Variants in HMGB1 observed in about 807,000 individuals in gnomAD.
The protein encoded by HMGB1 is high mobility group box 1.
For missense variants in HMGB1, 79 were observed against 253.5 expected (o/e 0.31, Z 4.67); for synonymous variants, 81 against 84.0 (o/e 0.96, Z 0.19).
chr13:30,485,410 T>G (rs1372199999), intron 1 of HMGB1, among the ~76,000 whole-genome samples: 2 of 152,146 alleles, frequency 1.3e-5, no homozygotes, highest in East Asian at 3.9e-4. Context: ...TGGGAGACAC[T>G]GGGGGCAGCC....
chr13:30,523,286 A>C (rs1164567320), intron 1 of HMGB1, among the ~76,000 whole-genome samples: 1 of 152,238 alleles, frequency 6.6e-6, no homozygotes, highest in African/African-American at 2.4e-5. Flanking sequence ...TGTGCATAAA[A>C]ATCAATATTT....
At chr13:30,466,638 C>T (rs1464659752), upstream of HMGB1, among the ~76,000 whole-genome samples, 2 of 152,174 alleles carry the variant, frequency 1.3e-5, no homozygotes, top group East Asian at 3.8e-4. Flanking sequence ...TTCAGTTTCA[C>T]CCTTTTTCTT....
Position 30,509,569 on chromosome 13 carries a change from G to T in HMGB1, c.-14-45875C>A, listed in dbSNP as rs548868711. ...CAATATTCTTAATTTCTATTCCAAA[G>T]CCCAGATGTCAAGACCTATTCATGT... On this transcript the variant is annotated intron_variant, in intron 1 of 4. Coordinates refer to the HMGB1 transcript ENST00000405805. Among the ~76,000 whole-genome samples the T allele has an allele frequency of 3.9e-5, 6 of 152,104 alleles. No homozygotes were observed. In the South Asian group the frequency reaches 1.2e-3, roughly 32 times the overall value.
At chr13:30,502,211 G>A (rs1458908460) in intron 1 of HMGB1, among the ~76,000 whole-genome samples, 1 of 152,186 alleles carries the variant, frequency 6.6e-6, no homozygotes, top group East Asian at 1.9e-4. Flanking sequence ...TACATTTAAA[G>A]TATAATTCAT....
chr13:30,462,519 G>A lies in HMGB1; in HGVS notation c.471+19C>T, dbSNP rs772976540. On this transcript the variant is annotated intron_variant, in intron 4 of 4. Transcript: ENST00000341423. ...GGCGTACTTGTCATCATTTTACCAA[G>A]CAAACCCACACTTCTTACCTTTTCA... The A allele has an allele frequency of 1.9e-6, 3 of 1,601,936 alleles. No homozygotes were observed. The highest frequency in any genetic ancestry group is 1.7e-5 in the Admixed American group (1 of 59,986).
At chr13:30,484,955 A>G (rs1887329491) in intron 1 of HMGB1, among the ~76,000 whole-genome samples, 1 of 152,172 alleles carries the variant, frequency 6.6e-6, no homozygotes, top group African/African-American at 2.4e-5. Context: ...AGCTGGGTAA[A>G]TGTGCAAAAA....
chr13:30,539,564 A>T (rs1027706179), intron 1 of HMGB1: 2 of 254,366 alleles, frequency 7.9e-6, no homozygotes, highest in South Asian at 7.6e-5. Context: ...CCTTTCTTCC[A>T]CAGAGCCCCA....
intron 1 of HMGB1, among the ~76,000 whole-genome samples, chr13:30,553,441 C>A (rs1392410461): frequency 1.3e-5 from 2 of 152,236 alleles, no homozygotes; most frequent in African/African-American, 2.4e-5. Context: ...AATTTAACTT[C>A]TCTCAGCCTC....
intron 1 of HMGB1, among the ~76,000 whole-genome samples, chr13:30,592,663 A>ATGACACATTAGTGGGTGCAGTGCACCAGC (rs1871417381): frequency 6.6e-6 from 1 of 152,138 alleles, no homozygotes; most frequent in African/African-American, 2.4e-5. Flanking sequence ...ATTGTTTAAG[A>ATGACACATTAGTGGGTGCAGTGCACCAGC]ATTTGCTAAA....
Position 30,479,752 on chromosome 13 carries a change from A to G in HMGB1, c.-14-16058T>C, listed in dbSNP as rs367811680. ...CTTTGCAAGAGTGTTGTGAGTTTCAATGAGCTCATATACCTAAAGAGCTCA... is the reference window on the plus strand; with the variant it reads ...CTTTGCAAGAGTGTTGTGAGTTTCAGTGAGCTCATATACCTAAAGAGCTCA... On this transcript the variant is annotated intron_variant, in intron 1 of 4. Coordinates refer to the HMGB1 transcript ENST00000405805. Among the ~76,000 whole-genome samples the G allele has an allele frequency of 4.6e-5, 7 of 152,306 alleles. No homozygotes were observed. In the South Asian group the frequency reaches 6.2e-4, roughly 14 times the overall value.
chr13:30,601,395 C>G (rs1950398620), intron 1 of HMGB1, among the ~76,000 whole-genome samples: 1 of 152,172 alleles, frequency 6.6e-6, no homozygotes, highest in Admixed American at 6.5e-5. Context: ...TGTGTCTTAC[C>G]TGTTGGGGGC....
intron 1 of HMGB1, among the ~76,000 whole-genome samples, chr13:30,488,587 G>T (rs544776608): frequency 2.6e-5 from 4 of 151,576 alleles, no homozygotes; most frequent in African/African-American, 9.7e-5. Flanking sequence ...AGGCTCAAGC[G>T]ATCCTCCCAT....
At chr13:30,530,482 A>G (rs1477655140) in intron 1 of HMGB1, among the ~76,000 whole-genome samples, 2 of 152,184 alleles carry the variant, frequency 1.3e-5, no homozygotes, top group East Asian at 1.9e-4. Context: ...CATGATAACA[A>G]TTATCCACAT....
chr13:30,546,308 G>A (rs1204779030), intron 1 of HMGB1, among the ~76,000 whole-genome samples: 4 of 152,148 alleles, frequency 2.6e-5, no homozygotes, highest in Non-Finnish European at 5.9e-5. Context: ...TAGAGACGGG[G>A]TTTCACCATG....
chr13:30,596,272 G>A (rs1871605926), intron 1 of HMGB1, among the ~76,000 whole-genome samples: 1 of 152,080 alleles, frequency 6.6e-6, no homozygotes, highest in South Asian at 2.1e-4. Context: ...TAATTGTTTG[G>A]TATTATTTTT....
intron 1 of HMGB1, among the ~76,000 whole-genome samples, chr13:30,504,152 C>G (rs1347216478): frequency 1.3e-5 from 2 of 151,920 alleles, no homozygotes; most frequent in African/African-American, 4.8e-5. Context: ...TAATGAGGAG[C>G]CCTGAAGAAG....
chr13:30,473,907 A>G (rs1593263789), intron 1 of HMGB1, among the ~76,000 whole-genome samples: 1 of 152,240 alleles, frequency 6.6e-6, no homozygotes, highest in South Asian at 2.1e-4. Flanking sequence ...ATACACATAC[A>G]TATATATTTG....
chr13:30,526,002 A>AT (rs916510068), intron 1 of HMGB1, among the ~76,000 whole-genome samples: 13 of 152,080 alleles, frequency 8.5e-5, no homozygotes, highest in South Asian at 6.2e-4. Context: ...CAGCCTGGCA[A>AT]TTTTTTTTAA....
chr13:30,503,226 G>C (rs1284798446), intron 1 of HMGB1, among the ~76,000 whole-genome samples: 9 of 151,842 alleles, frequency 5.9e-5, no homozygotes. Context: ...TGCCTGTAGT[G>C]CCAGCTACTC....
Sources: gnomAD v4.1 joint callset for allele counts (sites outside exome capture counted in the v4.1 genomes callset) on GRCh38, gnomAD v4.1.1 for gene constraint, MANE v1.5 for transcripts, NCBI Gene and HGNC (gene_info 2026-07-23, HGNC 2026-07-21) for gene names.